DNAAF8: variants seen among roughly 807,000 people sequenced by gnomAD.
DNAAF8 encodes the protein dynein axonemal-associated protein 1.
In DNAAF8, 61 loss-of-function variants were observed where a neutral mutation model predicts 54.6. That is an observed-to-expected ratio of 1.12 (90% CI 0.91 to 1.38). The LOEUF (loss-of-function observed/expected upper bound fraction) is 1.38, where lower values mean the gene tolerates loss of function less well. Among genes scored for constraint, DNAAF8 ranks in the 40% most tolerant of loss-of-function variants. The pLI, the probability that DNAAF8 is intolerant of heterozygous loss-of-function variation, is 0.00. For synonymous variants in DNAAF8, 320 were observed against 270.1 expected (o/e 1.18, Z -1.81); for missense variants, 837 against 665.0 (o/e 1.26, Z -2.85).
rs769657492 is a variant in DNAAF8 at position 4,740,650 on chromosome 16, C to G, written c.774C>G (p.Leu258=). 4 of 1,598,026 alleles carry G rather than the reference C, an allele frequency of 2.5e-6. No individual in the cohort carries two copies. The highest frequency in any genetic ancestry group is 2.7e-5 in the African/African-American group (2 of 74,740). ...LVEPPEGPPV[L]SLQQLEAWDL... ...AGCCTCCGGAGGGACCACCAGTGCT[C>G]TCGCTCCAGGTAGGCGCCTCCCCGT... Residue 258 remains leucine, a synonymous_variant, in exon 4 of 10, where the codon CTC becomes CTG. Transcript: ENST00000299320.
chr16:4,747,971 T>A (rs548230218), intron 9 of DNAAF8, among the ~76,000 whole-genome samples: 50 of 152,282 alleles, frequency 3.3e-4, no homozygotes, highest in African/African-American at 1.2e-3. Context: ...TGCATTTTTT[T>A]AAACAGGCAT....
intron 8 of DNAAF8, 57 bp downstream of exon 8, chr16:4,747,082 C>G: frequency 6.9e-7 from 1 of 1,452,986 alleles, no homozygotes; most frequent in Non-Finnish European, 9.2e-7. Context: ...CTTTCTGCAG[C>G]AAGCCCTCCA....
In DNAAF8 at chr16:4,747,344, A is replaced by T. The variant is rs1362784302; in HGVS notation, c.1282A>T (p.Thr428Ser). 6.4e-7 allele frequency: 1 copy of T among 1,573,422 alleles called. No homozygotes were observed. Among genetic ancestry groups the T allele is most frequent in the South Asian group, 1.2e-5 (1 of 85,686 alleles). Residue 428 changes from threonine to serine, a missense_variant and splice_region_variant, in exon 9 of 10, where the codon ACC becomes TCC. Physicochemically the swap from Thr to Ser is moderately conservative, Grantham distance 58 (BLOSUM62 1). Transcript: ENST00000299320. ...GASPSSLGLR[T>S]CTGKSQLLQQ... The stretch of plus-strand genomic sequence containing the variant: ...GAATTTGGTCTCATTGTGTCACAGG[A>T]CCTGTACCGGGAAAAGCCAGCTTCT...
Position 4,747,431 on chromosome 16 carries a change from C to T in DNAAF8, c.1369C>T (p.Pro457Ser), listed in dbSNP as rs142065357. 1 of 1,613,022 alleles carries T rather than the reference C, an allele frequency of 6.2e-7. No individual in the cohort carries two copies. Among genetic ancestry groups the T allele is most frequent in the Non-Finnish European group, 8.5e-7 (1 of 1,179,924 alleles). Reference protein sequence around the residue: ...AQPELPASKGPAGGRAQAPED... With the variant: ...AQPELPASKGSAGGRAQAPED... ...GCCCGAGCTGCCTGCCAGCAAGGGG[C>T]CCGCGGGTGGGAGGGCTCAGGCCCC... is the stretch of plus-strand genomic sequence containing the variant. Residue 457 changes from proline to serine, a missense_variant, in exon 9 of 10, where the codon CCC (proline) becomes TCC (serine). By Grantham distance (74) the Pro-to-Ser change is moderately conservative (BLOSUM62 -1). Transcript: ENST00000299320.
chr16:4,738,047 C>T (rs2081917917), intron 3 of DNAAF8, 101 bp downstream of exon 3: 1 of 1,358,316 alleles, frequency 7.4e-7, no homozygotes, highest in Non-Finnish European at 1.0e-6. Context: ...TATGCTAGAA[C>T]ATGGTCCTTT....
intron 7 of DNAAF8, 184 bp downstream of exon 7, chr16:4,746,696 T>A (rs567335842): frequency 2.3e-5 from 20 of 886,412 alleles, no homozygotes; most frequent in Admixed American, 6.1e-5. Context: ...AAGAGGGGCA[T>A]GAGGCACACC....
chr16:4,737,564 C>T lies in DNAAF8; in HGVS notation c.130-236C>T, dbSNP rs534235697. Among the ~76,000 whole-genome samples, 9 of 152,326 alleles carry T rather than the reference C, an allele frequency of 5.9e-5. No individual in the cohort carries two copies. The South Asian group carries it at 1.9e-3, about 32-fold the overall frequency. ...GAACCAGGAGCCCCAGTCTCACCTC[C>T]ACGAGGTTGTGCTGCCAAGCCCATT... On this transcript the variant is annotated intron_variant, in intron 2 of 9. Coordinates refer to ENST00000299320, the MANE Select transcript of DNAAF8 (RefSeq NM_139170.3).
rs866089828 is a variant in DNAAF8, at chr16:4,746,391, C to T, written c.1060C>T (p.Gln354Ter). The T allele has an allele frequency of 1.9e-6, 3 of 1,612,114 alleles. No homozygotes were observed. Among genetic ancestry groups the T allele is most frequent in the South Asian group, 1.1e-5 (1 of 90,968 alleles). Residue 354 changes from glutamine (Q) to a stop codon, truncating the protein, a stop_gained, in exon 7 of 10, where the codon CAG (glutamine) becomes TAG (stop). Transcript: ENST00000299320. LOFTEE classifies it high-confidence loss of function. ...TCATTTCAGATGTGCCTCAAGGAAG[C>T]AGGGCTCCCAGGCTGGGCCAGGCCC... ...DSGSRCASRKQGSQAGPGPQL... is the reference protein window; with the variant it reads ...DSGSRCASRK
At position 4,747,465 on chromosome 16, in the gene DNAAF8, C is replaced by T. The variant is rs201846778; in HGVS notation, c.1403C>T (p.Thr468Ile). The change falls in exon 9 of 10, where the codon ACA (threonine) becomes ATA (isoleucine). Residue 468 changes from threonine to isoleucine, a missense_variant. By Grantham distance (89) the Thr-to-Ile change is moderately conservative. Transcript: ENST00000299320. Reference protein sequence around the residue: ...AGGRAQAPEDTAGSRTGRKQH... With the variant: ...AGGRAQAPEDIAGSRTGRKQH... ...GGGAGGGCTCAGGCCCCTGAAGACA[C>T]AGCTGGATCACGAACTGGGAGGAAG... The T allele has an allele frequency of 1.2e-6, 2 of 1,613,274 alleles. No individual in the cohort carries two copies. The highest frequency in any genetic ancestry group is 2.2e-5 in the East Asian group (1 of 44,880).
rs775735405 is a variant in DNAAF8 at position 4,737,840 on chromosome 16, A to T, written c.170A>T (p.Asn57Ile). The change falls in exon 3 of 10, where the codon AAC (asparagine) becomes ATC (isoleucine). Residue 57 changes from asparagine (N) to isoleucine (I), a missense_variant. Transcript: ENST00000299320. ...GAGGAGCTGTTCATCTTCCAGCGAA[A>T]CCAAACCTCCCTGATTCCAGACCTG... ...GEEELFIFQR[N>I]QTSLIPDLSE... The T allele has an allele frequency of 6.2e-7, 1 of 1,614,020 alleles. No homozygotes were observed. Among genetic ancestry groups the T allele is most frequent in the African/African-American group, 1.3e-5 (1 of 74,918 alleles).
At chr16:4,748,523 A>C (rs2082047623) in intron 9 of DNAAF8, 1 of 152,266 alleles carries the variant, frequency 6.6e-6, no homozygotes, top group African/African-American at 2.4e-5. Flanking sequence ...CAGCGGCCTC[A>C]CTTGTTGATC....
In DNAAF8 at chr16:4,741,317, A is replaced by G. The variant is rs543737555; in HGVS notation, c.783+658A>G. On this transcript the variant is annotated intron_variant, in intron 4 of 9. Transcript: ENST00000299320. ...AAAAGAGAGAGAAAAAAGGAATTCC[A>G]CTCCCGAGGATGTTCATAAATACAT... Among the ~76,000 whole-genome samples the G allele has an allele frequency of 2.2e-4, 33 of 151,986 alleles. No homozygotes were observed. In the South Asian group the frequency reaches 6.6e-3, roughly 31 times the overall value.
intron 3 of DNAAF8, among the ~76,000 whole-genome samples, chr16:4,739,686 T>C (rs2081939440): frequency 6.6e-6 from 1 of 151,332 alleles, no homozygotes; most frequent in East Asian, 2.0e-4. Context: ...GTAGCTGGGA[T>C]TACACGCACG....
At chr16:4,747,794 A>T (rs78773548) in intron 9 of DNAAF8, among the ~76,000 whole-genome samples, 160 bp downstream of exon 9, 1 of 30,890 alleles carries the variant, frequency 3.2e-5, no homozygotes, top group East Asian at 1.8e-3. Context: ...GCTCAGTCAC[A>T]GGTGCATGAA....
chr16:4,735,665 T>C (rs2081882237), intron 1 of DNAAF8, among the ~76,000 whole-genome samples: 1 of 151,154 alleles, frequency 6.6e-6, no homozygotes, highest in East Asian at 1.9e-4. Flanking sequence ...ACTTAGTGAC[T>C]CCAAACTGTC....
In DNAAF8 at chr16:4,744,352, T is replaced by C. The variant is rs1009134337; in HGVS notation, c.902-518T>C. On this transcript the variant is annotated intron_variant, in intron 5 of 9. Transcript: ENST00000299320. Reference sequence around the variant, plus strand: ...GTGTTCAGAGCTGTTTGCTGCAGTGTTGTTTAAAAATCTGAAAAGCTGGAA... The same window carrying C: ...GTGTTCAGAGCTGTTTGCTGCAGTGCTGTTTAAAAATCTGAAAAGCTGGAA... 2.0e-5 allele frequency among the ~76,000 whole-genome samples: 3 copies of C among 152,344 alleles called. No individual in the cohort carries two copies. In the South Asian group the frequency reaches 6.2e-4, roughly 32 times the overall value.
chr16:4,735,450 G>A (rs1010193084), intron 1 of DNAAF8, among the ~76,000 whole-genome samples: 2 of 152,090 alleles, frequency 1.3e-5, no homozygotes, highest in South Asian at 2.1e-4. Context: ...GATTGGGGAT[G>A]AACGGGCACT....
Position 4,747,558 on chromosome 16 carries a change from C to T in DNAAF8, c.1496C>T (p.Ala499Val), listed in dbSNP as rs747816676. ...QARLPRGRPR[A>V]LGDVPEPGAA... ...CGACTCCCAAGAGGCAGGCCCAGAG[C>T]CCTGGGGGATGTTCCTGAGCCAGGG... is the stretch of plus-strand genomic sequence containing the variant. Residue 499 changes from alanine to valine, a missense_variant, in exon 9 of 10, where the codon GCC becomes GTC. Ala to Val is a moderately conservative substitution (Grantham distance 64, BLOSUM62 0). Coordinates refer to ENST00000299320, the MANE Select transcript of DNAAF8 (RefSeq NM_139170.3). The T allele has an allele frequency of 3.1e-6, 5 of 1,611,994 alleles. No homozygotes were observed. The highest frequency in any genetic ancestry group is 4.2e-6 in the Non-Finnish European group (5 of 1,179,682).
At chr16:4,736,304 C>CAG (rs4038772) in intron 1 of DNAAF8, among the ~76,000 whole-genome samples, 160 bp from the exon 2 acceptor site, 88,373 of 151,844 alleles carry the variant, frequency 0.58, 25,963 homozygotes, top group East Asian at 0.68. Context: ...CGTACACACA[C>CAG]AGTGCCTGGC....
Sources: allele counts gnomAD v4.1 joint callset (sites outside exome capture counted in the v4.1 genomes callset), GRCh38; gene constraint gnomAD v4.1.1; transcripts MANE v1.5; gene names NCBI Gene and HGNC (gene_info 2026-07-23, HGNC 2026-07-21).